LHX6: variants seen among roughly 807,000 people sequenced by gnomAD.
LHX6 encodes the protein LIM homeobox 6.
A neutral mutation model predicts 47.1 loss-of-function variants in LHX6; 15 were observed. That is an observed-to-expected ratio of 0.32 (90% confidence interval 0.21 to 0.49). The LOEUF (loss-of-function observed/expected upper bound fraction) is 0.49, where lower values mean the gene tolerates loss of function less well. LHX6 is among the 20% of genes least tolerant of loss of function. The pLI is 0.99. For synonymous variants in LHX6, 242 were observed against 233.5 expected, an observed-to-expected ratio of 1.04 and a Z score of -0.33; for missense variants, 404 against 539.6, an observed-to-expected ratio of 0.75 and a Z score of 2.49.
chr9:122,221,831 A>G, intron 4 of LHX6: 1 of 482,810 alleles, frequency 2.1e-6, no homozygotes, highest in Non-Finnish European at 2.7e-6. Context: ...GGTGGCTGAT[A>G]TATCTCACCT....
intron 9 of LHX6, among the ~76,000 whole-genome samples, chr9:122,207,997 C>A (rs75491106): frequency 6.6e-6 from 1 of 152,132 alleles, no homozygotes; most frequent in Non-Finnish European, 1.5e-5. Context: ...CCTCTCCCTC[C>A]GAGGGACTGC....
chr9:122,209,450 G>A (rs996580492), intron 9 of LHX6, among the ~76,000 whole-genome samples, 164 bp downstream of exon 9: 11 of 152,238 alleles, frequency 7.2e-5, no homozygotes, highest in African/African-American at 1.9e-4. Flanking sequence ...AGCAACCACC[G>A]CTCCAGTGAC....
intron 8 of LHX6, among the ~76,000 whole-genome samples, chr9:122,210,169 C>T (rs1488650940): frequency 1.2e-4 from 18 of 152,162 alleles, no homozygotes; most frequent in Non-Finnish European, 4.4e-5. Flanking sequence ...CTGCCCGCCT[C>T]GGCCTCCCAA....
In LHX6 at chr9:122,228,857, G is replaced by T. The variant is rs994452101; in HGVS notation, c.-117C>A. The T allele has an allele frequency of 1.7e-6, 1 of 587,150 alleles. No homozygotes were observed. The highest frequency in any genetic ancestry group is 2.4e-6 in the Non-Finnish European group (1 of 425,304). 36.4% of individuals were successfully genotyped at this position (587,150 alleles called of 1,614,324 possible). On this transcript the variant is annotated 5_prime_UTR_variant, in exon 1 of 10. Coordinates refer to ENST00000394319, the MANE Select transcript of LHX6 (RefSeq NM_014368.5). ...GAGCAGGAGGAGAGCCGAGGCGCCG[G>T]CCCCGCCGCCCCGGGCCCGGCCTCA...
chr9:122,224,833 A>C lies in LHX6; in HGVS notation c.461+1543T>G, dbSNP rs557955926. Among the ~76,000 whole-genome samples the C allele has an allele frequency of 8.8e-4, 133 of 151,934 alleles. 3 individuals are homozygous for C. In the South Asian group the frequency reaches 0.026, roughly 29 times the overall value. On this transcript the variant is annotated intron_variant, in intron 4 of 9. Coordinates refer to ENST00000394319, the MANE Select transcript of LHX6 (RefSeq NM_014368.5). ...CACACATGCTATCTACATACCCCCA[A>C]CCCTGCCCAGTGATGCTTTCCCCAG...
At chr9:122,227,579 C>A (rs1002371039) in intron 1 of LHX6, 99 bp from the exon 2 acceptor site, 18 of 1,407,478 alleles carry the variant, frequency 1.3e-5, no homozygotes, top group Non-Finnish European at 1.6e-5. Context: ...TATAAACCGG[C>A]GCCGAACAAT....
In LHX6 at chr9:122,213,825, G is replaced by T; in HGVS notation, c.880-45C>A. On this transcript the variant is annotated intron_variant, in intron 7 of 9. Coordinates refer to ENST00000394319, the MANE Select transcript of LHX6 (RefSeq NM_014368.5). The surrounding 1 kb of genome is among the most constrained non-coding windows in gnomAD (Gnocchi z 5.5). ...AGCCTCAGCCTCGAGGAAAAGAGTC[G>T]GACGCGCCGCCGGGAGACCCCAGGC... The T allele has an allele frequency of 6.5e-7, 1 of 1,550,230 alleles. No individual in the cohort carries two copies. The highest frequency in any genetic ancestry group is 1.4e-5 in the African/African-American group (1 of 73,588).
intron 8 of LHX6, among the ~76,000 whole-genome samples, chr9:122,212,938 C>T (rs1033716017): frequency 2.0e-5 from 3 of 152,146 alleles, no homozygotes; most frequent in Admixed American, 6.5e-5. Context: ...GCATTATTGA[C>T]ATCCCAGGTT....
chr9:122,205,212 C>A (rs1013568966), intron 9 of LHX6, among the ~76,000 whole-genome samples: 9 of 152,302 alleles, frequency 5.9e-5, no homozygotes, highest in Middle Eastern at 6.8e-3. Flanking sequence ...GAGGACCTGG[C>A]ACTGGAGGCC....
Position 122,214,021 on chromosome 9 carries a change from G to A in LHX6, c.832C>T (p.Leu278=). 1 of 1,600,746 alleles carries A rather than the reference G, an allele frequency of 6.2e-7. No homozygotes were observed. Among genetic ancestry groups the A allele is most frequent in the Non-Finnish European group, 8.5e-7 (1 of 1,179,004 alleles). ...CCCGTCATGTCCGCCAGCTTCTGCA[G>A]CGTCTGAGCGTCGGGGTTGTTGTCC... The part of the protein sequence containing the change: ...AQDNNPDAQT[L]QKLADMTGLS... Residue 278 remains leucine (L), a synonymous_variant, in exon 7 of 10, where the codon CTG becomes TTG. Transcript: ENST00000394319. This position sits in a 1 kb window ranked among gnomAD's most constrained non-coding sequence, Gnocchi z 4.6.
At chr9:122,218,848 C>T (rs1830700201) in intron 4 of LHX6, among the ~76,000 whole-genome samples, 1 of 152,070 alleles carries the variant, frequency 6.6e-6, no homozygotes, top group Non-Finnish European at 1.5e-5. Context: ...CACTTTCCCA[C>T]CCCCAGGCCT....
chr9:122,226,807 A>G lies in LHX6; in HGVS notation c.339+41T>C, dbSNP rs773358371. 13 of 1,542,562 alleles carry G rather than the reference A, an allele frequency of 8.4e-6. No homozygotes were observed. In the East Asian group the frequency reaches 3.2e-4, roughly 38 times the overall value. The stretch of plus-strand genomic sequence containing the variant: ...CCTGCAGTCTCCTGCGCTGCGTCCC[A>G]CGCCCCGACAACACGCACGCAACAC... On this transcript the variant is annotated intron_variant, in intron 3 of 9. Transcript: ENST00000394319. The surrounding 1 kb of genome is among the most constrained non-coding windows in gnomAD (Gnocchi z 6.5).
rs1441812801 is a variant in LHX6, at chr9:122,203,009, C to T, written c.*1751G>A. The T allele has an allele frequency of 6.6e-6, 1 of 152,516 alleles. No individual in the cohort carries two copies. Among genetic ancestry groups the T allele is most frequent in the Admixed American group, 6.5e-5 (1 of 15,280 alleles). The allele number at this position is 152,516 out of a possible 1,614,324, so 9.4% of individuals were successfully genotyped here. ...AAGGCCAGGAATTGGGCCCTGGTTG[C>T]TCCTGTTAATGTCAGCGCCTAGCAC... On this transcript the variant is annotated 3_prime_UTR_variant, in exon 10 of 10. Transcript: ENST00000394319.
intron 4 of LHX6, among the ~76,000 whole-genome samples, chr9:122,223,412 TG>T (rs1234820848): frequency 1.3e-5 from 2 of 152,198 alleles, no homozygotes; most frequent in African/African-American, 4.8e-5. Flanking sequence ...TCAAGCTGCG[TG>T]GGGAAATGCC....
In LHX6 at chr9:122,207,798, G is replaced by A. The variant is rs765224172; in HGVS notation, c.1158+1816C>T. Among the ~76,000 whole-genome samples the A allele has an allele frequency of 2.6e-5, 4 of 152,116 alleles. No individual in the cohort carries two copies. In the East Asian group the frequency reaches 5.8e-4, roughly 22 times the overall value. On this transcript the variant is annotated intron_variant, in intron 9 of 9. Coordinates refer to ENST00000394319, the MANE Select transcript of LHX6 (RefSeq NM_014368.5). ...ATCCTAAAGGAGCTGTCCCCACCCC[G>A]GCTGCCCGTTAGAATCACACAGGCT... is the stretch of plus-strand genomic sequence containing the variant.
chr9:122,225,037 C>T (rs1588362348), intron 4 of LHX6, among the ~76,000 whole-genome samples: 1 of 152,128 alleles, frequency 6.6e-6, no homozygotes, highest in Non-Finnish European at 1.5e-5. Flanking sequence ...AGTACCCTTG[C>T]CCCAAATGCT....
At chr9:122,216,451 T>G (rs965426044) in intron 5 of LHX6, among the ~76,000 whole-genome samples, 2 of 152,204 alleles carry the variant, frequency 1.3e-5, no homozygotes, top group African/African-American at 4.8e-5. Flanking sequence ...TGCACAGATG[T>G]AGGGACTGAG....
At chr9:122,209,543 G>A in intron 9 of LHX6, 71 bp downstream of exon 9, 1 of 1,603,690 alleles carries the variant, frequency 6.2e-7, no homozygotes, top group Non-Finnish European at 8.5e-7. Flanking sequence ...ATGGTTAACA[G>A]AGGATGCTGC....
intron 4 of LHX6, among the ~76,000 whole-genome samples, chr9:122,224,312 A>G (rs1196956994): frequency 6.6e-6 from 1 of 152,138 alleles, no homozygotes; most frequent in Non-Finnish European, 1.5e-5. Flanking sequence ...GGTGTGAGCC[A>G]CCACACCCGG....
Sources: gnomAD v4.1 joint callset for allele counts (sites outside exome capture counted in the v4.1 genomes callset) on GRCh38, gnomAD v4.1.1 for gene constraint, Gnocchi (gnomAD v3.1) non-coding constraint, MANE v1.5 for transcripts, NCBI Gene and HGNC (gene_info 2026-07-23, HGNC 2026-07-21) for gene names.